Variants in ANK2 observed in about 807,000 individuals in gnomAD.
ANK2 encodes ankyrin 2, also known as ankyrin-2.
In ANK2, 83 loss-of-function variants were observed where a neutral mutation model predicts 360.5. The observed-to-expected ratio is 0.23, with a 90% CI of 0.19 to 0.28. ANK2 has a LOEUF of 0.28. ANK2 is among the 10% of genes least tolerant of loss of function. The pLI is 1.00. For missense variants in ANK2, 4,201 were observed against 4,795.7 expected (o/e 0.88, Z 3.66); for synonymous variants, 1,740 against 1,759.5 (o/e 0.99, Z 0.28).
intron 2 of ANK2, among the ~76,000 whole-genome samples, chr4:112,972,483 T>G (rs1455117285): frequency 2.0e-5 from 3 of 152,028 alleles, no homozygotes; most frequent in Non-Finnish European, 4.4e-5. Flanking sequence ...TAGACTGAAG[T>G]TTAGAGGAGA....
At chr4:113,310,926 C>A (rs2079618049) in intron 23 of ANK2, among the ~76,000 whole-genome samples, 1 of 152,068 alleles carries the variant, frequency 6.6e-6, no homozygotes, top group South Asian at 2.1e-4. Context: ...GCAGACTATG[C>A]CTGTGTTTTG....
intron 2 of ANK2, among the ~76,000 whole-genome samples, chr4:113,017,196 A>G (rs1561550458): frequency 1.3e-5 from 2 of 152,176 alleles, no homozygotes; most frequent in African/African-American, 2.4e-5. Flanking sequence ...TGTGTTTTAT[A>G]GAGTTACATA....
At chr4:113,210,172 C>T (rs1474191717) in intron 4 of ANK2, among the ~76,000 whole-genome samples, 1 of 152,202 alleles carries the variant, frequency 6.6e-6, no homozygotes, top group East Asian at 1.9e-4. Context: ...CTTGAAGGAA[C>T]TCAAGATTTT....
chr4:113,006,837 A>G (rs1385330047), intron 2 of ANK2, among the ~76,000 whole-genome samples: 1 of 150,778 alleles, frequency 6.6e-6, no homozygotes, highest in Non-Finnish European at 1.5e-5. Context: ...GTGGGGCAAT[A>G]TATCTCCTTA....
chr4:112,862,150 T>C (rs1181127671), intron 1 of ANK2, among the ~76,000 whole-genome samples: 1 of 152,234 alleles, frequency 6.6e-6, no homozygotes, highest in Admixed American at 6.5e-5. Context: ...CAGCATGTAC[T>C]GAGAGCCCAG....
chr4:112,921,481 G>A lies in ANK2; in HGVS notation c.21+16967G>A, dbSNP rs546319324. The stretch of plus-strand genomic sequence containing the variant: ...ACTATTCCTCTAATTATTTTTTAAA[G>A]AGATGGGGTCTTGCCATATTGCCCA... On this transcript the variant is annotated intron_variant, in intron 2 of 30. Coordinates refer to the ANK2 transcript ENST00000503271. Among the ~76,000 whole-genome samples, 126 of 144,532 alleles carry A rather than the reference G, an allele frequency of 8.7e-4. 1 individual carries two copies. Among genetic ancestry groups the A allele is most frequent in the African/African-American group, 3.1e-3 (120 of 39,170 alleles). The allele number at this position is 144,532 out of a possible 152,430, so 94.8% of individuals were successfully genotyped here.
chr4:112,960,368 G>A lies in ANK2; in HGVS notation c.21+55854G>A, dbSNP rs1006035428. ...CTGCCTTTTTTTTTTTTTAAATCTT[G>A]TGGTACCTAATTTCCAAAGCCACTC... On this transcript the variant is annotated intron_variant, in intron 2 of 30. Coordinates refer to the ANK2 transcript ENST00000503271. Among the ~76,000 whole-genome samples the A allele has an allele frequency of 3.4e-5, 5 of 149,250 alleles. No homozygotes were observed. In the South Asian group the frequency reaches 1.1e-3, roughly 32 times the overall value.
the ANK2 span, among the ~76,000 whole-genome samples, chr4:112,789,029 A>G: frequency 3.3e-5 from 5 of 152,104 alleles, no homozygotes; most frequent in Non-Finnish European, 4.4e-5. Flanking sequence ...TATGTAATAG[A>G]TTACGGTTCG....
chr4:113,283,035 G>C (rs2063002112), intron 18 of ANK2, among the ~76,000 whole-genome samples, 163 bp downstream of exon 18: 1 of 152,198 alleles, frequency 6.6e-6, no homozygotes, highest in African/African-American at 2.4e-5. Context: ...TGAGAGATTA[G>C]AAAACCATAA....
intron 1 of ANK2, among the ~76,000 whole-genome samples, chr4:112,855,461 T>G (rs2066134920): frequency 6.6e-6 from 1 of 152,176 alleles, no homozygotes; most frequent in African/African-American, 2.4e-5. Context: ...AGAGGTAAAT[T>G]TATTTCTCTT....
chr4:113,004,428 A>G (rs1037454220), intron 2 of ANK2, among the ~76,000 whole-genome samples: 1 of 152,072 alleles, frequency 6.6e-6, no homozygotes, highest in Non-Finnish European at 1.5e-5. Context: ...AAACACCCAC[A>G]GTAGCCTCGC....
At chr4:112,744,404 T>C in the ANK2 span, among the ~76,000 whole-genome samples, 2 of 149,690 alleles carry the variant, frequency 1.3e-5, no homozygotes, top group African/African-American at 4.9e-5. Context: ...TGGAGTGCAG[T>C]GGCACGACCT....
chr4:112,984,802 C>T (rs1247755979), intron 2 of ANK2, among the ~76,000 whole-genome samples: 1 of 152,182 alleles, frequency 6.6e-6, no homozygotes. Context: ...CTCATGCATT[C>T]AAACCTGGGA....
At chr4:113,302,706 C>A in intron 22 of ANK2, 61 bp from the exon 23 acceptor site, 1 of 1,372,658 alleles carries the variant, frequency 7.3e-7, no homozygotes, top group Non-Finnish European at 1.0e-6. Context: ...CTATGTGATG[C>A]TTTTCATCTT....
At position 113,057,220 on chromosome 4, in the gene ANK2, T is replaced by G. The variant is rs2070510239; in HGVS notation, c.84+7408T>G. ...ATTATAGGTATACTCACACATATTA[T>G]AAGTAAAATATAAATATGTTGTGCA... On this transcript the variant is annotated intron_variant, in intron 1 of 45. Coordinates refer to ENST00000357077, the MANE Select transcript of ANK2 (RefSeq NM_001148.6). Among the ~76,000 whole-genome samples, 3 of 152,140 alleles carry G rather than the reference T, an allele frequency of 2.0e-5. No homozygotes were observed. The South Asian group carries it at 6.2e-4, about 31-fold the overall frequency.
intron 2 of ANK2, among the ~76,000 whole-genome samples, chr4:113,182,930 A>G (rs770477317): frequency 6.6e-6 from 1 of 152,176 alleles, no homozygotes; most frequent in Non-Finnish European, 1.5e-5. Flanking sequence ...TTGATGGAAA[A>G]ATATCAACAG....
At chr4:112,869,436 C>T (rs2071994076) in intron 1 of ANK2, among the ~76,000 whole-genome samples, 1 of 152,108 alleles carries the variant, frequency 6.6e-6, no homozygotes. Flanking sequence ...TGCCACCACA[C>T]CTGGCTAATA....
chr4:112,952,543 T>C (rs2095092275), intron 2 of ANK2, among the ~76,000 whole-genome samples: 1 of 152,194 alleles, frequency 6.6e-6, no homozygotes, highest in Non-Finnish European at 1.5e-5. Context: ...CTGAGCAGCA[T>C]ATTATGACAT....
At chr4:113,021,531 C>G (rs2058090096) in intron 2 of ANK2, among the ~76,000 whole-genome samples, 1 of 18,754 alleles carries the variant, frequency 5.3e-5, no homozygotes, top group African/African-American at 1.9e-4. Context: ...CACACACACC[C>G]ACACACAAAC....
Sources: gnomAD v4.1 joint callset for allele counts (sites outside exome capture counted in the v4.1 genomes callset) on GRCh38, gnomAD v4.1.1 for gene constraint, MANE v1.5 for transcripts, NCBI Gene and HGNC (gene_info 2026-07-23, HGNC 2026-07-21) for gene names.